PCDH15: variants seen among roughly 807,000 people sequenced by gnomAD.
PCDH15 encodes protocadherin related 15.
Under a neutral mutation model 178.5 loss-of-function variants are expected in PCDH15, and 129 were observed. That is an observed-to-expected ratio of 0.72 (90% CI 0.63 to 0.84). The LOEUF (loss-of-function observed/expected upper bound fraction) is 0.84, where lower values mean the gene tolerates loss of function less well. Ranked by LOEUF, PCDH15 falls within the 40% of genes least tolerant of loss-of-function variation. The probability of loss-of-function intolerance (pLI) is 0.00; values close to 1 mark genes in which losing one functional copy is unlikely to be tolerated. For missense variants in PCDH15, 2,230 were observed against 2,099.9 expected (o/e 1.06, Z -1.21); for synonymous variants, 800 against 732.0 (o/e 1.09, Z -1.50).
intron 1 of PCDH15, among the ~76,000 whole-genome samples, chr10:55,272,581 C>T (rs1842473961): frequency 6.6e-6 from 1 of 151,762 alleles, no homozygotes; most frequent in Non-Finnish European, 1.5e-5. Flanking sequence ...CGTGGTTTTA[C>T]CATACCGGCC....
chr10:54,315,906 G>A lies in PCDH15; in HGVS notation c.876+1365C>T, dbSNP rs116363340. ...CAGTCCTTTCAAGTAAAATTTTTAT[G>A]TTCACCATCTTTAATAGTTTGTGTG... On this transcript the variant is annotated intron_variant, in intron 8 of 37. Transcript: ENST00000644397. 4.6e-3 allele frequency among the ~76,000 whole-genome samples: 694 copies of A among 150,964 alleles called. 6 individuals carry two copies. The highest frequency in any genetic ancestry group is 0.016 in the African/African-American group (652 of 41,160).
intron 1 of PCDH15, among the ~76,000 whole-genome samples, chr10:54,676,421 A>G (rs938860604): frequency 2.0e-5 from 3 of 152,140 alleles, no homozygotes; most frequent in African/African-American, 7.2e-5. Context: ...GTCTTCATAG[A>G]AAAGTCATTA....
chr10:55,303,697 G>T (rs1045252341), intron 1 of PCDH15, among the ~76,000 whole-genome samples: 1 of 152,044 alleles, frequency 6.6e-6, no homozygotes, highest in Non-Finnish European at 1.5e-5. Context: ...TATGTGTATA[G>T]AGTTGTTTGT....
At chr10:55,385,787 ATC>A (rs1360732288) in intron 2 of PCDH15, among the ~76,000 whole-genome samples, 3 of 145,174 alleles carry the variant, frequency 2.1e-5, no homozygotes, top group Non-Finnish European at 4.5e-5. Flanking sequence ...AGATATGCAT[ATC>A]TCTGTATATA....
chr10:54,056,578 A>G (rs1486719973), intron 18 of PCDH15, among the ~76,000 whole-genome samples: 3 of 152,130 alleles, frequency 2.0e-5, no homozygotes, highest in African/African-American at 4.8e-5. Flanking sequence ...TGATTCAATT[A>G]TCTTCACCTG....
At chr10:55,029,250 C>T (rs12412292) in intron 2 of PCDH15, among the ~76,000 whole-genome samples, 86,374 of 151,712 alleles carry the variant, frequency 0.57, 24,914 homozygotes, top group East Asian at 0.75. Context: ...AGGTTGTTCC[C>T]TTTACATATC....
At position 54,436,655 on chromosome 10, in the gene PCDH15, C is replaced by T. The variant is rs116667592; in HGVS notation, c.158-57713G>A. ...TTTTACCCCTTTTGTTAGTTCTGATCATCCTTAACCTACACACCAAATATG... is the reference window on the plus strand; with the variant it reads ...TTTTACCCCTTTTGTTAGTTCTGATTATCCTTAACCTACACACCAAATATG... On this transcript the variant is annotated intron_variant, in intron 3 of 37. Coordinates refer to ENST00000644397, the MANE Select transcript of PCDH15 (RefSeq NM_001384140.1). Among the ~76,000 whole-genome samples, 1,180 of 152,168 alleles carry T rather than the reference C, an allele frequency of 7.8e-3. 16 individuals carry two copies. Among genetic ancestry groups the T allele is most frequent in the African/African-American group, 0.027 (1,112 of 41,514 alleles).
intron 8 of PCDH15, among the ~76,000 whole-genome samples, chr10:54,276,918 T>C (rs1026359318): frequency 1.3e-5 from 2 of 151,698 alleles, no homozygotes; most frequent in African/African-American, 4.8e-5. Flanking sequence ...ATAGGTATTA[T>C]TTCTTGTATC....
At chr10:55,014,867 C>T (rs1840133410) in intron 2 of PCDH15, among the ~76,000 whole-genome samples, 1 of 152,110 alleles carries the variant, frequency 6.6e-6, no homozygotes, top group African/African-American at 2.4e-5. Context: ...ATACTTAAAA[C>T]TATTGTGTCG....
At chr10:55,228,880 C>T (rs1051490924) in intron 1 of PCDH15, among the ~76,000 whole-genome samples, 1 of 151,858 alleles carries the variant, frequency 6.6e-6, no homozygotes, top group African/African-American at 2.4e-5. Context: ...TTACTCCCAT[C>T]ACAATACCTT....
At chr10:55,127,474 T>A (rs796548174) in intron 2 of PCDH15, among the ~76,000 whole-genome samples, 7 of 152,184 alleles carry the variant, frequency 4.6e-5, no homozygotes, top group African/African-American at 1.7e-4. Context: ...AATGGACTCA[T>A]AATCTTCGAC....
chr10:53,978,657 G>GGTT (rs1564914167), intron 21 of PCDH15, among the ~76,000 whole-genome samples: 1 of 143,184 alleles, frequency 7.0e-6, no homozygotes. Context: ...TCCAGAAAAT[G>GGTT]TTTTTTTTTT....
At chr10:54,306,130 C>A (rs534153954) in intron 8 of PCDH15, among the ~76,000 whole-genome samples, 1 of 145,158 alleles carries the variant, frequency 6.9e-6, no homozygotes, top group African/African-American at 2.5e-5. Flanking sequence ...TAGTAAGACT[C>A]CAGGAAAAAA....
intron 15 of PCDH15, among the ~76,000 whole-genome samples, chr10:54,130,327 T>C (rs2133024219): frequency 6.6e-6 from 1 of 152,284 alleles, no homozygotes; most frequent in African/African-American, 2.4e-5. Context: ...TAACATGACA[T>C]AGCTGCACAG....
intron 2 of PCDH15, among the ~76,000 whole-genome samples, chr10:54,636,711 C>G: frequency 6.6e-6 from 1 of 151,982 alleles, no homozygotes; most frequent in East Asian, 1.9e-4. Context: ...CATTCCCAGT[C>G]AGCTTTCTAG....
At chr10:54,589,533 A>T (rs555095625) in intron 2 of PCDH15, among the ~76,000 whole-genome samples, 2 of 152,202 alleles carry the variant, frequency 1.3e-5, no homozygotes, top group Admixed American at 1.3e-4. Flanking sequence ...TTATTTGTTA[A>T]TTTTATTGTT....
chr10:54,668,794 C>T (rs952808426), intron 1 of PCDH15, among the ~76,000 whole-genome samples: 6 of 152,164 alleles, frequency 3.9e-5, no homozygotes, highest in Non-Finnish European at 5.9e-5. Context: ...ACTTGGAACA[C>T]ACCGTCATTA....
intron 1 of PCDH15, among the ~76,000 whole-genome samples, chr10:54,674,816 A>C (rs944259450): frequency 3.9e-5 from 6 of 152,226 alleles, no homozygotes; most frequent in Admixed American, 3.9e-4. Flanking sequence ...ATTCAAACTC[A>C]TGTTGTCCAA....
chr10:55,508,519 G>C (rs1164070660), intron 2 of PCDH15, among the ~76,000 whole-genome samples: 1 of 151,602 alleles, frequency 6.6e-6, no homozygotes, highest in Middle Eastern at 3.2e-3. Context: ...AGTTTTATGT[G>C]GGCTTCAATT....
Sources: allele counts gnomAD v4.1 joint callset (sites outside exome capture counted in the v4.1 genomes callset), GRCh38; gene constraint gnomAD v4.1.1; transcripts MANE v1.5; gene names NCBI Gene and HGNC (gene_info 2026-07-23, HGNC 2026-07-21).